ZFP91: variants seen among roughly 807,000 people sequenced by gnomAD.
The protein encoded by ZFP91 is ZFP91 zinc finger protein, atypical E3 ubiquitin ligase.
Under a neutral mutation model 63.5 loss-of-function variants are expected in ZFP91, and 7 were observed. That is an observed-to-expected ratio of 0.11 (90% CI 0.06 to 0.21). The LOEUF (loss-of-function observed/expected upper bound fraction) is 0.21, where lower values mean the gene tolerates loss of function less well. Ranked by LOEUF, ZFP91 falls within the 10% of genes least tolerant of loss-of-function variation. ZFP91 has a pLI of 1.00. For missense variants in ZFP91, 628 were observed against 736.6 expected (o/e 0.85, Z 1.71); for synonymous variants, 330 against 272.1 (o/e 1.21, Z -2.10).
At chr11:58,589,450 C>A (rs942524961) in intron 2 of ZFP91, among the ~76,000 whole-genome samples, 17 of 152,138 alleles carry the variant, frequency 1.1e-4, no homozygotes, top group Non-Finnish European at 2.1e-4. Flanking sequence ...ACAACAACAA[C>A]AAAAGCCTCT....
intron 2 of ZFP91, among the ~76,000 whole-genome samples, chr11:58,597,458 C>G (rs532984931): frequency 1.5e-3 from 223 of 152,218 alleles, no homozygotes; most frequent in Middle Eastern, 3.4e-3. Flanking sequence ...TGTCTGCTGC[C>G]TCTTGGTCAG....
rs775455504 is a variant in ZFP91 at position 58,617,152 on chromosome 11, T to C, written c.1203-44T>C. 6.5e-7 allele frequency: 1 copy of C among 1,527,242 alleles called. No individual in the cohort carries two copies. The allele number at this position is 1,527,242 out of a possible 1,614,324, so 94.6% of individuals were successfully genotyped here. A position where few individuals can be genotyped will look rare whatever the true frequency, so the allele number is the denominator to read the frequency against. On this transcript the variant is annotated intron_variant, in intron 10 of 10. Transcript: ENST00000316059. This position sits in a 1 kb window ranked among gnomAD's most constrained non-coding sequence, Gnocchi z 4.2. ...CCTGATCCTGAATAAGAGCACTCTTTATTTCTCTGTTGGATCAGCCATTTC... is the reference window on the plus strand; with the variant it reads ...CCTGATCCTGAATAAGAGCACTCTTCATTTCTCTGTTGGATCAGCCATTTC...
Position 58,616,834 on chromosome 11 carries a change from T to G in ZFP91, c.1202+19T>G. 1 of 1,606,664 alleles carries G rather than the reference T, an allele frequency of 6.2e-7. No individual in the cohort carries two copies. The highest frequency in any genetic ancestry group is 8.5e-7 in the Non-Finnish European group (1 of 1,173,464). ...CATTACAGTGAGTATTATTTACTGG[T>G]GAACATCTGGGTGAGAAGGATATAT... On this transcript the variant is annotated intron_variant, in intron 10 of 10. Transcript: ENST00000316059.
chr11:58,609,404 T>TTTG (rs1420690610), intron 2 of ZFP91, among the ~76,000 whole-genome samples: 2 of 152,244 alleles, frequency 1.3e-5, no homozygotes, highest in African/African-American at 4.8e-5. Context: ...TCTTTAGTAA[T>TTTG]TTGTTATAGA....
At position 58,612,820 on chromosome 11, in the gene ZFP91, G is replaced by T. The variant is rs1483655076; in HGVS notation, c.967G>T (p.Ala323Ser). Residue 323 changes from alanine (A) to serine (S), a missense_variant, in exon 8 of 11, where the codon GCC becomes TCC. Ala to Ser is a moderately conservative substitution (Grantham distance 99, BLOSUM62 1). Transcript: ENST00000316059. The part of the protein sequence containing the change: ...CEMEGCGTVL[A>S]HPRYLQHHIK... Reference sequence around the variant, plus strand: ...GATGGAAGGATGTGGAACTGTCCTTGCCCATCCTCGCTATTTGCAGGTCAG... The same window carrying T: ...GATGGAAGGATGTGGAACTGTCCTTTCCCATCCTCGCTATTTGCAGGTCAG... 2 of 1,611,978 alleles carry T rather than the reference G, an allele frequency of 1.2e-6. No individual in the cohort carries two copies. The highest frequency in any genetic ancestry group is 1.7e-6 in the Non-Finnish European group (2 of 1,179,198).
At position 58,579,488 on chromosome 11, in the gene ZFP91, C is replaced by T. The variant is rs1005072520; in HGVS notation, c.207C>T (p.Ser69=). Residue 69 remains serine, a synonymous_variant, in exon 1 of 11, where the codon TCC becomes TCT. Coordinates refer to ENST00000316059, the MANE Select transcript of ZFP91 (RefSeq NM_053023.5). The part of the protein sequence containing the change: ...AAAAAAAAAV[S]RRRKAEYPRR... The stretch of plus-strand genomic sequence containing the variant: ...CGGCCGCCGCCGCCGCAGCTGTGTC[C>T]CGCCGGAGGAAGGCCGAGTATCCCC... The T allele has an allele frequency of 2.6e-6, 4 of 1,514,648 alleles. No individual in the cohort carries two copies. Among genetic ancestry groups the T allele is most frequent in the African/African-American group, 1.4e-5 (1 of 69,218 alleles). The allele number at this position is 1,514,648 out of a possible 1,614,324, so 93.8% of individuals were successfully genotyped here.
intron 2 of ZFP91, among the ~76,000 whole-genome samples, chr11:58,598,959 C>A (rs996324483): frequency 2.0e-5 from 3 of 151,946 alleles, no homozygotes; most frequent in African/African-American, 7.3e-5. Context: ...GCAGTTATTC[C>A]CCCTTCCCTC....
At chr11:58,601,960 C>T (rs1011746131) in intron 2 of ZFP91, among the ~76,000 whole-genome samples, 2 of 152,012 alleles carry the variant, frequency 1.3e-5, no homozygotes, top group Non-Finnish European at 2.9e-5. Flanking sequence ...CTCGTTCTAT[C>T]GCCCAGGCTG....
chr11:58,588,074 A>G (rs1286766685), intron 2 of ZFP91, among the ~76,000 whole-genome samples: 1 of 152,180 alleles, frequency 6.6e-6, no homozygotes, highest in Non-Finnish European at 1.5e-5. Flanking sequence ...TTTGACTTAT[A>G]AGACCCCCTT....
intron 1 of ZFP91, among the ~76,000 whole-genome samples, 155 bp downstream of exon 1, chr11:58,579,777 C>T (rs147987256): frequency 1.3e-5 from 2 of 152,208 alleles, no homozygotes; most frequent in Non-Finnish European, 2.9e-5. Flanking sequence ...CGGGAGCCTT[C>T]GTGCCTCCTC....
intron 5 of ZFP91, 148 bp from the exon 6 acceptor site, chr11:58,611,456 G>A: frequency 9.5e-7 from 1 of 1,053,730 alleles, no homozygotes; most frequent in Non-Finnish European, 1.4e-6. Context: ...TACTATGCAT[G>A]TGAGGATGAT....
At chr11:58,610,142 TTGA>T in intron 3 of ZFP91, 103 bp downstream of exon 3, 1 of 1,460,784 alleles carries the variant, frequency 6.8e-7, no homozygotes, top group Non-Finnish European at 9.5e-7. Flanking sequence ...AGGGGCAGGT[TTGA>T]TGGTGTAGGT....
intron 2 of ZFP91, among the ~76,000 whole-genome samples, chr11:58,587,287 CTG>C (rs1855227732): frequency 6.6e-6 from 1 of 152,138 alleles, no homozygotes; most frequent in African/African-American, 2.4e-5. Flanking sequence ...CACTATGTGT[CTG>C]GCGCTATTCT....
intron 2 of ZFP91, among the ~76,000 whole-genome samples, chr11:58,597,640 G>A (rs1471180376): frequency 6.6e-6 from 1 of 152,048 alleles, no homozygotes; most frequent in Non-Finnish European, 1.5e-5. Context: ...TAGCAATTCT[G>A]TACCCACATA....
intron 9 of ZFP91, among the ~76,000 whole-genome samples, chr11:58,615,518 T>C (rs1855735400): frequency 6.6e-6 from 1 of 152,252 alleles, no homozygotes; most frequent in Non-Finnish European, 1.5e-5. Flanking sequence ...AATTAGTATA[T>C]ACAGACTTTT....
intron 1 of ZFP91, among the ~76,000 whole-genome samples, chr11:58,583,950 G>T (rs1855161403): frequency 6.6e-6 from 1 of 151,978 alleles, no homozygotes; most frequent in Non-Finnish European, 1.5e-5. Flanking sequence ...ACTGTTCAGA[G>T]ATACTCTGTG....
Position 58,612,768 on chromosome 11 carries a change from G to A in ZFP91, c.915G>A (p.Lys305=). 6.3e-7 allele frequency: 1 copy of A among 1,598,900 alleles called. No homozygotes were observed. The highest frequency in any genetic ancestry group is 8.5e-7 in the Non-Finnish European group (1 of 1,175,324). Reference sequence around the variant, plus strand: ...TTCTGCATTTTGATAATAGAAAAAAGCCTCCAATCCAGTATGTCCGTTGTG... The same window carrying A: ...TTCTGCATTTTGATAATAGAAAAAAACCTCCAATCCAGTATGTCCGTTGTG... ...KSPRLPKRRK[K]PPIQYVRCEM... Residue 305 remains lysine, a synonymous_variant, in exon 8 of 11, where the codon AAG becomes AAA. Transcript: ENST00000316059.
intron 2 of ZFP91, among the ~76,000 whole-genome samples, chr11:58,586,718 C>T (rs1330074342): frequency 6.6e-6 from 1 of 152,052 alleles, no homozygotes; most frequent in Non-Finnish European, 1.5e-5. Flanking sequence ...TGTTGTGTTT[C>T]GTATTTAGAA....
At chr11:58,611,114 C>A in intron 5 of ZFP91, 60 bp downstream of exon 5, 1 of 1,469,474 alleles carries the variant, frequency 6.8e-7, no homozygotes, top group South Asian at 1.2e-5. Flanking sequence ...AGCACTGTTG[C>A]ATGCTTTTAT....
Sources: allele counts gnomAD v4.1 joint callset (sites outside exome capture counted in the v4.1 genomes callset), GRCh38; gene constraint gnomAD v4.1.1; non-coding constraint Gnocchi (gnomAD v3.1); transcripts MANE v1.5; gene names NCBI Gene and HGNC (gene_info 2026-07-23, HGNC 2026-07-21).